Variants in SCN1A observed in about 807,000 individuals in gnomAD.
The protein encoded by SCN1A is sodium voltage-gated channel alpha subunit 1, also known as sodium channel protein type 1 subunit alpha.
A neutral mutation model predicts 193.7 loss-of-function variants in SCN1A; 13 were observed. The ratio of observed to expected loss-of-function variants is 0.07; its 90% CI spans 0.04 to 0.11. SCN1A has a LOEUF of 0.11. Ranked by LOEUF, SCN1A falls within the 10% of genes least tolerant of loss-of-function variation. The pLI is 1.00. For synonymous variants in SCN1A, 781 were observed against 843.6 expected (o/e 0.93, Z 1.29); for missense variants, 1,432 against 2,451.1 (o/e 0.58, Z 8.78).
intron 1 of SCN1A, chr2:166,137,779 T>A (rs1276496433): frequency 6.5e-6 from 1 of 152,742 alleles, no homozygotes; most frequent in Non-Finnish European, 1.5e-5. Context: ...GAAGCCACTT[T>A]GGAACTGGGT....
chr2:166,078,581 T>C (rs1685202164), intron 2 of SCN1A, among the ~76,000 whole-genome samples: 1 of 151,674 alleles, frequency 6.6e-6, no homozygotes. Flanking sequence ...AAAAGTACAA[T>C]GGAAGAAATG....
chr2:166,129,707 A>G (rs1346225682), upstream of SCN1A, among the ~76,000 whole-genome samples: 1 of 152,230 alleles, frequency 6.6e-6, no homozygotes, highest in Non-Finnish European at 1.5e-5. Flanking sequence ...TACATTCCAT[A>G]TGAATAGTAC....
chr2:166,049,037 G>T, intron 9 of SCN1A, 88 bp from the exon 10 acceptor site: 2 of 799,124 alleles, frequency 2.5e-6, no homozygotes, highest in Non-Finnish European at 4.4e-6. Context: ...CTACTTTTAA[G>T]TTTATTGAGT....
chr2:166,136,607 A>G (rs1360991214), intron 1 of SCN1A, among the ~76,000 whole-genome samples: 8 of 152,124 alleles, frequency 5.3e-5, no homozygotes, highest in Admixed American at 4.6e-4. Context: ...TGTTGCTTTA[A>G]AATTATACCT....
rs73972815 is a variant in SCN1A at position 166,142,174 on chromosome 2, G to A, written c.-50+6873C>T. Among the ~76,000 whole-genome samples the A allele has an allele frequency of 2.7e-3, 417 of 152,274 alleles. 2 individuals carry two copies. Among genetic ancestry groups the A allele is most frequent in the African/African-American group, 9.2e-3 (384 of 41,554 alleles). ...GGTAGGCAGACAGCCAGATCAGAAGGGCCTGGCACACCTGCTAAAGAGGGA... is the reference window on the plus strand; with the variant it reads ...GGTAGGCAGACAGCCAGATCAGAAGAGCCTGGCACACCTGCTAAAGAGGGA... On this transcript the variant is annotated intron_variant, in intron 1 of 26. Coordinates refer to the SCN1A transcript ENST00000635750.
At chr2:166,027,999 A>T (rs1371593357) in intron 19 of SCN1A, among the ~76,000 whole-genome samples, 1 of 152,184 alleles carries the variant, frequency 6.6e-6, no homozygotes, top group Non-Finnish European at 1.5e-5. Flanking sequence ...TGATTTCTTC[A>T]TCAAGCTGTA....
intron 3 of SCN1A, chr2:166,075,353 A>G (rs866008654): frequency 3.3e-5 from 5 of 152,012 alleles, no homozygotes; most frequent in Admixed American, 6.6e-5. Flanking sequence ...CAGGTATTCA[A>G]TAGGTATATG....
intron 6 of SCN1A, among the ~76,000 whole-genome samples, chr2:166,055,385 C>T (rs1699026078): frequency 6.6e-6 from 1 of 151,800 alleles, no homozygotes; most frequent in African/African-American, 2.4e-5. Context: ...GGCATAAAAT[C>T]ACAAGAAAAC....
intron 2 of SCN1A, among the ~76,000 whole-genome samples, chr2:166,097,851 G>A (rs1365452587): frequency 6.6e-6 from 1 of 152,154 alleles, no homozygotes; most frequent in Non-Finnish European, 1.5e-5. Flanking sequence ...AAATTTCTGG[G>A]ATTACAGGCA....
intron 2 of SCN1A, among the ~76,000 whole-genome samples, chr2:166,117,091 T>G (rs1170146260): frequency 1.3e-5 from 2 of 152,194 alleles, no homozygotes; most frequent in Non-Finnish European, 2.9e-5. Context: ...ACAACAAATA[T>G]TGTCAAATGT....
chr2:166,004,496 C>G (rs1430422974), intron 23 of SCN1A, among the ~76,000 whole-genome samples: 1 of 151,410 alleles, frequency 6.6e-6, no homozygotes, highest in Non-Finnish European at 1.5e-5. Context: ...TAGAACTGCC[C>G]TCTGTTATTT....
chr2:166,120,281 C>G (rs1690393630), intron 2 of SCN1A, among the ~76,000 whole-genome samples: 1 of 150,472 alleles, frequency 6.6e-6, no homozygotes, highest in Non-Finnish European at 1.5e-5. Flanking sequence ...AAAACAAAAA[C>G]TTTATAAAGA....
rs58394206 is a variant in SCN1A, at chr2:166,103,068, G to GATATATATAT, written c.-142+23846_-142+23855dup. ...TTCAAGCCTGACTTTAGATTTGGGA[G>GATATATATAT]ATATATATATATATATATGACGGTT... On this transcript the variant is annotated intron_variant, in intron 2 of 28. Transcript: ENST00000674923. Among the ~76,000 whole-genome samples, 613 of 149,096 alleles carry GATATATATAT rather than the reference G, an allele frequency of 4.1e-3. 1 individual carries two copies. The highest frequency in any genetic ancestry group is 6.8e-3 in the Non-Finnish European group (454 of 67,180).
At chr2:166,117,360 A>C (rs1252739767) in intron 2 of SCN1A, among the ~76,000 whole-genome samples, 2 of 152,238 alleles carry the variant, frequency 1.3e-5, no homozygotes, top group Non-Finnish European at 2.9e-5. Flanking sequence ...AAATATGTGT[A>C]CTTAATGGTA....
At chr2:166,015,801 T>G in intron 19 of SCN1A, 74 bp from the exon 20 acceptor site, 1 of 1,538,618 alleles carries the variant, frequency 6.5e-7, no homozygotes, top group Non-Finnish European at 9.0e-7. Flanking sequence ...AAAGGATTAT[T>G]ACTATGAATT....
intron 2 of SCN1A, among the ~76,000 whole-genome samples, chr2:166,120,107 C>A (rs1221348795): frequency 2.0e-5 from 3 of 150,622 alleles, no homozygotes; most frequent in Non-Finnish European, 3.0e-5. Context: ...ATTACTTTTG[C>A]TTTATGTATT....
At chr2:166,122,020 C>T (rs947185812) in intron 2 of SCN1A, among the ~76,000 whole-genome samples, 6 of 152,298 alleles carry the variant, frequency 3.9e-5, no homozygotes, top group Middle Eastern at 3.4e-3. Context: ...GCCAAGGAGA[C>T]GGGCTTTAGA....
rs373392539 is a variant in SCN1A at position 165,987,558 on chromosome 2, T to G, written c.*3687A>C. The G allele has an allele frequency of 1.8e-4, 27 of 152,288 alleles. No individual in the cohort carries two copies. The highest frequency in any genetic ancestry group is 6.3e-4 in the African/African-American group (26 of 41,572). 9.4% of individuals were successfully genotyped at this position (152,288 alleles called of 1,614,324 possible). A position where few individuals can be genotyped will look rare whatever the true frequency, so the allele number is the denominator to read the frequency against. On this transcript the variant is annotated 3_prime_UTR_variant, in exon 29 of 29. Coordinates refer to ENST00000674923, the MANE Select transcript of SCN1A (RefSeq NM_001165963.4). ...GCAAGAAACAGATTTGTACTTTTCC[T>G]TATTTACTTACATCAGTATGTATTT...
In SCN1A at chr2:166,041,400, T is replaced by G; in HGVS notation, c.2246A>C (p.Asp749Ala). 1 of 1,612,826 alleles carries G rather than the reference T, an allele frequency of 6.2e-7. No homozygotes were observed. ...YKFSNIFLIW[D>A]CSPYWLKVKH... is the part of the protein sequence containing the mutation. ...CACTTTTAACCAATATGGAGAACAGTCCCAGATTAAGAATATGTTGGAAAA... is the reference window on the plus strand; with the variant it reads ...CACTTTTAACCAATATGGAGAACAGGCCCAGATTAAGAATATGTTGGAAAA... Residue 749 changes from aspartate to alanine, a missense_variant, in exon 16 of 29, where the codon GAC becomes GCC. Physicochemically the swap from Asp to Ala is moderately radical, Grantham distance 126. This residue lies in a region of SCN1A where 316 missense variants were observed against 362.1 expected (regional missense o/e 0.87). Transcript: ENST00000674923.
Sources: allele counts gnomAD v4.1 joint callset (sites outside exome capture counted in the v4.1 genomes callset), GRCh38; gene constraint gnomAD v4.1.1; regional missense constraint gnomAD v4.1.1; transcripts MANE v1.5; gene names NCBI Gene and HGNC (gene_info 2026-07-23, HGNC 2026-07-21).